AXDND1: variants seen among roughly 807,000 people sequenced by gnomAD.
AXDND1 encodes axonemal dynein light chain domain containing 1, also known as axonemal dynein light chain domain-containing protein 1.
A neutral mutation model predicts 137.5 loss-of-function variants in AXDND1; 110 were observed. The observed-to-expected ratio is 0.80, with a 90% confidence interval of 0.69 to 0.94. AXDND1 has a LOEUF of 0.94. AXDND1 is among the 40% of genes least tolerant of loss of function. AXDND1 has a pLI of 0.00. For missense variants in AXDND1, 1,191 were observed against 1,169.8 expected, an observed-to-expected ratio of 1.02 and a Z score of -0.26; for synonymous variants, 414 against 399.7, an observed-to-expected ratio of 1.04 and a Z score of -0.43.
At chr1:179,386,286 G>T (rs1371273865) in intron 9 of AXDND1, among the ~76,000 whole-genome samples, 1 of 151,962 alleles carries the variant, frequency 6.6e-6, no homozygotes, top group African/African-American at 2.4e-5. Flanking sequence ...CTGACCTCGT[G>T]ATCTGCCTGC....
intron 11 of AXDND1, among the ~76,000 whole-genome samples, chr1:179,410,247 G>A (rs1653658143): frequency 1.3e-5 from 2 of 152,074 alleles, no homozygotes. Flanking sequence ...ATTTACTTCA[G>A]GAGGTCTTTT....
chr1:179,383,489 A>C lies in AXDND1; in HGVS notation c.686A>C (p.Asp229Ala). The part of the protein sequence containing the change: ...VEVAQLNDVM[D>A]TMLERAGVEN... The stretch of plus-strand genomic sequence containing the variant: ...GTGGCCCAGCTGAATGATGTGATGG[A>C]TACTATGCTAGAGAGGGCTGGTGTG... Residue 229 changes from aspartate (D) to alanine (A), a missense_variant, in exon 8 of 26, where the codon GAT (aspartate) becomes GCT (alanine). By Grantham distance (126) the Asp-to-Ala change is moderately radical (BLOSUM62 -2). Transcript: ENST00000367618. 6.2e-7 allele frequency: 1 copy of C among 1,614,112 alleles called. No individual in the cohort carries two copies.
At chr1:179,431,464 T>TTTTG (rs151285259) in intron 14 of AXDND1, among the ~76,000 whole-genome samples, 7 of 151,236 alleles carry the variant, frequency 4.6e-5, no homozygotes, top group African/African-American at 1.2e-4. Context: ...TTTCTAAGGT[T>TTTTG]TTTGTTTGTT....
intron 25 of AXDND1, chr1:179,548,698 A>G (rs16854292): frequency 0.023 from 3,444 of 152,330 alleles, 140 homozygotes; most frequent in African/African-American, 0.079. Flanking sequence ...CCATCCAGAC[A>G]TGGTCCCCAA....
intron 1 of AXDND1, 126 bp from the exon 2 acceptor site, chr1:179,366,278 G>T (rs1260121095): frequency 2.6e-6 from 1 of 391,174 alleles, no homozygotes; most frequent in Admixed American, 3.9e-5. Flanking sequence ...CATAACCCCA[G>T]AACATAGAGG....
intron 25 of AXDND1, among the ~76,000 whole-genome samples, chr1:179,537,710 A>G (rs1459052870): frequency 6.6e-6 from 1 of 152,166 alleles, no homozygotes; most frequent in African/African-American, 2.4e-5. Flanking sequence ...GGCCTCATAA[A>G]ATAAGTTAGG....
intron 16 of AXDND1, among the ~76,000 whole-genome samples, chr1:179,463,904 G>T (rs1204850051): frequency 6.6e-6 from 1 of 152,034 alleles, no homozygotes; most frequent in East Asian, 1.9e-4. Flanking sequence ...GATCTTTGTT[G>T]GTTTAAAGTC....
intron 17 of AXDND1, among the ~76,000 whole-genome samples, chr1:179,475,455 A>T (rs1664495232): frequency 6.6e-6 from 1 of 152,232 alleles, no homozygotes; most frequent in South Asian, 2.1e-4. Flanking sequence ...TGGATGTGAG[A>T]TGTGGAATCA....
intron 15 of AXDND1, among the ~76,000 whole-genome samples, chr1:179,442,487 G>A (rs1024187147): frequency 3.8e-4 from 58 of 152,274 alleles, no homozygotes; most frequent in African/African-American, 1.2e-3. Flanking sequence ...GAAACCATGG[G>A]TTATGCGTAA....
At chr1:179,425,589 G>A (rs1187838119) in intron 12 of AXDND1, among the ~76,000 whole-genome samples, 1 of 152,068 alleles carries the variant, frequency 6.6e-6, no homozygotes. Flanking sequence ...ACATGATGGG[G>A]TCTCCTGCCA....
At chr1:179,415,215 G>A (rs1571723833) in intron 12 of AXDND1, among the ~76,000 whole-genome samples, 1 of 152,124 alleles carries the variant, frequency 6.6e-6, no homozygotes, top group East Asian at 1.9e-4. Flanking sequence ...ATTGGCGGGT[G>A]TCTGTAGTCC....
chr1:179,533,936 T>A, intron 24 of AXDND1, 59 bp downstream of exon 24: 9 of 1,478,514 alleles, frequency 6.1e-6, no homozygotes, highest in Non-Finnish European at 8.5e-6. Context: ...AAGGTTTGAC[T>A]GAGAAATTCA....
At chr1:179,521,874 C>G (rs1670095816) in intron 21 of AXDND1, among the ~76,000 whole-genome samples, 1 of 151,346 alleles carries the variant, frequency 6.6e-6, no homozygotes, top group Non-Finnish European at 1.5e-5. Flanking sequence ...TTGAACTGAC[C>G]ATTGAGAATC....
At chr1:179,410,808 T>C (rs1384010511) in intron 11 of AXDND1, among the ~76,000 whole-genome samples, 1 of 152,214 alleles carries the variant, frequency 6.6e-6, no homozygotes, top group Non-Finnish European at 1.5e-5. Context: ...GCTGAATTTT[T>C]CATTAGATAT....
Position 179,528,448 on chromosome 1 carries a change from C to T in AXDND1, c.2715+17C>T, listed in dbSNP as rs749947898. 5.8e-5 allele frequency: 90 copies of T among 1,556,378 alleles called. No homozygotes were observed. The highest frequency in any genetic ancestry group is 5.1e-4 in the Middle Eastern group (3 of 5,924). On this transcript the variant is annotated intron_variant, in intron 23 of 25. Transcript: ENST00000367618. ...TCTTCCTGGGTATGTATCTGAAACCCAGCTAGGGAATTCAACACTATTTAA... is the reference window on the plus strand; with the variant it reads ...TCTTCCTGGGTATGTATCTGAAACCTAGCTAGGGAATTCAACACTATTTAA...
intron 6 of AXDND1, among the ~76,000 whole-genome samples, chr1:179,380,774 A>G (rs1389667673): frequency 1.3e-5 from 2 of 152,178 alleles, no homozygotes; most frequent in Non-Finnish European, 2.9e-5. Context: ...AATGAAATTC[A>G]TTTTTTGGGT....
At chr1:179,468,679 T>G in intron 17 of AXDND1, 38 bp downstream of exon 17, 1 of 1,523,708 alleles carries the variant, frequency 6.6e-7, no homozygotes, top group Non-Finnish European at 8.8e-7. Context: ...TGAGATAATT[T>G]TCCTAAAGGT....
At chr1:179,383,227 T>C (rs1459043515) in intron 7 of AXDND1, among the ~76,000 whole-genome samples, 1 of 152,152 alleles carries the variant, frequency 6.6e-6, no homozygotes, top group Non-Finnish European at 1.5e-5. Flanking sequence ...TTTTCTTTTA[T>C]GAAAAAGAGA....
intron 4 of AXDND1, among the ~76,000 whole-genome samples, chr1:179,378,395 C>G (rs10913739): frequency 0.29 from 44,192 of 151,774 alleles, 6,622 homozygotes; most frequent in Non-Finnish European, 0.31. Flanking sequence ...ATTTTAACCT[C>G]ATACTGAAGG....
Sources: allele counts gnomAD v4.1 joint callset (sites outside exome capture counted in the v4.1 genomes callset), GRCh38; gene constraint gnomAD v4.1.1; transcripts MANE v1.5; gene names NCBI Gene and HGNC (gene_info 2026-07-23, HGNC 2026-07-21).